Variants in SOST observed in about 807,000 individuals in gnomAD.
SOST encodes the protein sclerosteosis.
Under a neutral mutation model 16.7 loss-of-function variants are expected in SOST, and 14 were observed. The observed-to-expected ratio is 0.84, with a 90% CI of 0.55 to 1.31. The LOEUF (loss-of-function observed/expected upper bound fraction) is 1.31. Among genes scored for constraint, SOST ranks in the 50% most tolerant of loss-of-function variants. The pLI, the probability that SOST is intolerant of heterozygous loss-of-function variation, is 0.00. For missense variants in SOST, 291 were observed against 310.7 expected (o/e 0.94, Z 0.48); for synonymous variants, 150 against 140.9 (o/e 1.06, Z -0.46).
Position 43,755,298 on chromosome 17 carries a change from T to A in SOST, c.*44A>T. 6.8e-7 allele frequency: 1 copy of A among 1,480,934 alleles called. No individual in the cohort carries two copies. Among genetic ancestry groups the A allele is most frequent in the Non-Finnish European group, 8.9e-7 (1 of 1,125,502 alleles). 91.7% of individuals were successfully genotyped at this position (1,480,934 alleles called of 1,614,324 possible). On this transcript the variant is annotated 3_prime_UTR_variant, in exon 2 of 2. Coordinates refer to ENST00000301691, the MANE Select transcript of SOST (RefSeq NM_025237.3). The surrounding 1 kb of genome is among the most constrained non-coding windows in gnomAD (Gnocchi z 4.3). ...GAGGACAGAAATGTGGGGCGCGGGT[T>A]CAGGGCCGGGGCGCCCGCCGGTGGG...
chr17:43,755,778 G>A lies in SOST; in HGVS notation c.221-15C>T. On this transcript the variant is annotated splice_polypyrimidine_tract_variant and intron_variant, in intron 1 of 1. Coordinates refer to ENST00000301691, the MANE Select transcript of SOST (RefSeq NM_025237.3). This position sits in a 1 kb window ranked among gnomAD's most constrained non-coding sequence, Gnocchi z 4.3. ...CTCGGACACGTCTGTGGAGAGAGGC[G>A]CGCGTGAGGGTGGCCGCCCGCCTGG... The A allele has an allele frequency of 5.7e-6, 9 of 1,569,412 alleles. No homozygotes were observed. The highest frequency in any genetic ancestry group is 4.7e-5 in the East Asian group (2 of 42,964).
Position 43,755,054 on chromosome 17 carries a change from T to C in SOST, c.*288A>G. The stretch of plus-strand genomic sequence containing the variant: ...AAAATGCTTCCATTTCTGCCTCCTC[T>C]GAAGTGGGACCAGCAAAGGTAGGCG... On this transcript the variant is annotated 3_prime_UTR_variant, in exon 2 of 2. Coordinates refer to ENST00000301691, the MANE Select transcript of SOST (RefSeq NM_025237.3). This position sits in a 1 kb window ranked among gnomAD's most constrained non-coding sequence, Gnocchi z 4.3. 1 of 428,570 alleles carries C rather than the reference T, an allele frequency of 2.3e-6. No homozygotes were observed. Among genetic ancestry groups the C allele is most frequent in the Non-Finnish European group, 4.1e-6 (1 of 244,562 alleles). The allele number at this position is 428,570 out of a possible 1,614,324, so 26.5% of individuals were successfully genotyped here. A position where few individuals can be genotyped will look rare whatever the true frequency, so the allele number is the denominator to read the frequency against.
chr17:43,757,496 C>T (rs1345827082), intron 1 of SOST, among the ~76,000 whole-genome samples: 1 of 152,138 alleles, frequency 6.6e-6, no homozygotes, highest in Non-Finnish European at 1.5e-5. Context: ...GGGCAGTGGA[C>T]TTCTCTGCCA....
In SOST at chr17:43,758,566, G is replaced by T; in HGVS notation, c.176C>A (p.Ala59Glu). Residue 59 changes from alanine (A) to glutamate (E), a missense_variant, in exon 1 of 2, where the codon GCG (alanine) becomes GAG (glutamate). Coordinates refer to ENST00000301691, the MANE Select transcript of SOST (RefSeq NM_025237.3). The part of the protein sequence containing the change: ...ELENNKTMNR[A>E]ENGGRPPHHP... ...GTGGGGAGGCCGCCCTCCGTTCTCC[G>T]CCCGGTTCATGGTCTTGTTGTTCTC... 6.2e-7 allele frequency: 1 copy of T among 1,614,076 alleles called. No individual in the cohort carries two copies. The highest frequency in any genetic ancestry group is 8.5e-7 in the Non-Finnish European group (1 of 1,180,016).
At position 43,755,303 on chromosome 17, in the gene SOST, G is replaced by A; in HGVS notation, c.*39C>T. 1.3e-6 allele frequency: 2 copies of A among 1,495,910 alleles called. No individual in the cohort carries two copies. Among genetic ancestry groups the A allele is most frequent in the Non-Finnish European group, 1.8e-6 (2 of 1,134,168 alleles). 92.7% of individuals were successfully genotyped at this position (1,495,910 alleles called of 1,614,324 possible). On this transcript the variant is annotated 3_prime_UTR_variant, in exon 2 of 2. Transcript: ENST00000301691. The surrounding 1 kb of genome is among the most constrained non-coding windows in gnomAD (Gnocchi z 4.3). The stretch of plus-strand genomic sequence containing the variant: ...CAGAAATGTGGGGCGCGGGTTCAGG[G>A]CCGGGGCGCCCGCCGGTGGGGAGGG...
At chr17:43,758,355 C>T (rs1367414345) in intron 1 of SOST, among the ~76,000 whole-genome samples, 167 bp downstream of exon 1, 2 of 152,180 alleles carry the variant, frequency 1.3e-5, no homozygotes, top group Admixed American at 6.5e-5. Flanking sequence ...AAGGCTGCAC[C>T]AGCGAGCCAT....
Position 43,755,215 on chromosome 17 carries a change from C to G in SOST, c.*127G>C. The G allele has an allele frequency of 2.0e-6, 2 of 986,688 alleles. No homozygotes were observed. Among genetic ancestry groups the G allele is most frequent in the Non-Finnish European group, 2.8e-6 (2 of 713,122 alleles). 61.1% of individuals were successfully genotyped at this position (986,688 alleles called of 1,614,324 possible). On this transcript the variant is annotated 3_prime_UTR_variant, in exon 2 of 2. Transcript: ENST00000301691. The surrounding 1 kb of genome is among the most constrained non-coding windows in gnomAD (Gnocchi z 4.3). ...TTCCTCAGGGCCTGGAAGGTCTCAG[C>G]CCCCTGCCCTGGGTTGCAGGCATTT...
chr17:43,754,020 C>T lies in SOST; in HGVS notation c.*1322G>A, dbSNP rs1203970832. 1 of 151,954 alleles carries T rather than the reference C, an allele frequency of 6.6e-6. No individual in the cohort carries two copies. The highest frequency in any genetic ancestry group is 2.4e-5 in the African/African-American group (1 of 41,156). 9.4% of individuals were successfully genotyped at this position (151,954 alleles called of 1,614,324 possible). On this transcript the variant is annotated 3_prime_UTR_variant, in exon 2 of 2. Transcript: ENST00000301691. The stretch of plus-strand genomic sequence containing the variant: ...TTTTTTTTTTAACAATTAAAAACTA[C>T]ACAGAAAGTAAGAGGTTGTCTGGAA...
At position 43,755,858 on chromosome 17, in the gene SOST, A is replaced by C; in HGVS notation, c.221-95T>G. 7.1e-7 allele frequency: 1 copy of C among 1,416,466 alleles called. No individual in the cohort carries two copies. Among genetic ancestry groups the C allele is most frequent in the Non-Finnish European group, 9.5e-7 (1 of 1,053,404 alleles). The allele number at this position is 1,416,466 out of a possible 1,614,324, so 87.7% of individuals were successfully genotyped here. ...CTCCACCCCAGCCCTGCTTTTGCCAAGCCTGTCTCCAGAGGCTTTTGCCCC... is the reference window on the plus strand; with the variant it reads ...CTCCACCCCAGCCCTGCTTTTGCCACGCCTGTCTCCAGAGGCTTTTGCCCC... On this transcript the variant is annotated intron_variant, in intron 1 of 1. Coordinates refer to ENST00000301691, the MANE Select transcript of SOST (RefSeq NM_025237.3). The surrounding 1 kb of genome is among the most constrained non-coding windows in gnomAD (Gnocchi z 4.3).
Position 43,755,578 on chromosome 17 carries a change from G to C in SOST, c.406C>G (p.Pro136Ala). The C allele has an allele frequency of 5.6e-6, 9 of 1,593,752 alleles. No homozygotes were observed. The highest frequency in any genetic ancestry group is 7.7e-6 in the Non-Finnish European group (9 of 1,175,870). The change falls in exon 2 of 2, where the codon CCC becomes GCC. Residue 136 changes from proline (P) to alanine (A), a missense_variant. Transcript: ENST00000301691. The surrounding 1 kb of genome is among the most constrained non-coding windows in gnomAD (Gnocchi z 4.3). ...ACGCGCTGCGCGCGGTAGCGGTCGG[G>C]GATGCAGCGGAAGTCGGGCCCACTA... is the stretch of plus-strand genomic sequence containing the variant. The part of the protein sequence containing the change: ...RPSGPDFRCI[P>A]DRYRAQRVQL...
chr17:43,757,411 C>T (rs888035741), intron 1 of SOST, among the ~76,000 whole-genome samples: 55 of 152,150 alleles, frequency 3.6e-4, no homozygotes, highest in Non-Finnish European at 6.5e-4. Flanking sequence ...GGCTGGCCTC[C>T]CATGCAGTTG....
Position 43,755,246 on chromosome 17 carries a change from G to A in SOST, c.*96C>T, listed in dbSNP as rs1598295879. ...GCCCTGGGTTGCAGGCATTTACAAT[G>A]AAATATAAACAATCAAACCACGCGC... On this transcript the variant is annotated 3_prime_UTR_variant, in exon 2 of 2. Coordinates refer to ENST00000301691, the MANE Select transcript of SOST (RefSeq NM_025237.3). This position sits in a 1 kb window ranked among gnomAD's most constrained non-coding sequence, Gnocchi z 4.3. The A allele has an allele frequency of 8.2e-7, 1 of 1,219,522 alleles. No homozygotes were observed. The highest frequency in any genetic ancestry group is 2.8e-5 in the East Asian group (1 of 35,936). The allele number at this position is 1,219,522 out of a possible 1,614,324, so 75.5% of individuals were successfully genotyped here.
At chr17:43,757,179 G>T (rs1456356936) in intron 1 of SOST, among the ~76,000 whole-genome samples, 2 of 152,236 alleles carry the variant, frequency 1.3e-5, no homozygotes, top group African/African-American at 2.4e-5. Flanking sequence ...TTCGAGAATA[G>T]CGCCCCTAGG....
Position 43,754,174 on chromosome 17 carries a change from G to C in SOST, c.*1168C>G, listed in dbSNP as rs1287528612. On this transcript the variant is annotated 3_prime_UTR_variant, in exon 2 of 2. Transcript: ENST00000301691. Reference sequence around the variant, plus strand: ...AGATATGCCATCACATGTAAGAGCAGTAAGAAGCTGTTTTCTAGGCAGAAA... The same window carrying C: ...AGATATGCCATCACATGTAAGAGCACTAAGAAGCTGTTTTCTAGGCAGAAA... 1 of 152,296 alleles carries C rather than the reference G, an allele frequency of 6.6e-6. No homozygotes were observed. The highest frequency in any genetic ancestry group is 1.5e-5 in the Non-Finnish European group (1 of 68,056). The allele number at this position is 152,296 out of a possible 1,614,324, so 9.4% of individuals were successfully genotyped here. A position where few individuals can be genotyped will look rare whatever the true frequency, so the allele number is the denominator to read the frequency against.
At chr17:43,756,042 C>T (rs1974127680) in intron 1 of SOST, among the ~76,000 whole-genome samples, 1 of 152,234 alleles carries the variant, frequency 6.6e-6, no homozygotes, top group Non-Finnish European at 1.5e-5. Flanking sequence ...TAACCTCTCT[C>T]TTCTTCCTGT....
rs1234842440 is a variant in SOST at position 43,755,182 on chromosome 17, G to T, written c.*160C>A. 3 of 694,580 alleles carry T rather than the reference G, an allele frequency of 4.3e-6. No individual in the cohort carries two copies. The allele number at this position is 694,580 out of a possible 1,614,324, so 43.0% of individuals were successfully genotyped here. A position where few individuals can be genotyped will look rare whatever the true frequency, so the allele number is the denominator to read the frequency against. ...GCGGGCTGAGGGGGGCCTTGCCGGC[G>T]CCCGGGATTCCTCAGGGCCTGGAAG... is the stretch of plus-strand genomic sequence containing the variant. On this transcript the variant is annotated 3_prime_UTR_variant, in exon 2 of 2. Coordinates refer to ENST00000301691, the MANE Select transcript of SOST (RefSeq NM_025237.3). This position sits in a 1 kb window ranked among gnomAD's most constrained non-coding sequence, Gnocchi z 4.3.
In SOST at chr17:43,755,396, C is replaced by T; in HGVS notation, c.588G>A (p.Arg196=). Residue 196 remains arginine (R), a synonymous_variant, in exon 2 of 2, where the codon CGG becomes CGA. Transcript: ENST00000301691. The surrounding 1 kb of genome is among the most constrained non-coding windows in gnomAD (Gnocchi z 4.3). ...TGGCTTTGGCGCTCCGGGCGCGGGG[C>T]CGCGGCTTCCGGCCCTTCTGCGGCC... is the stretch of plus-strand genomic sequence containing the variant. ...AARPQKGRKP[R]PRARSAKANQ... The T allele has an allele frequency of 1.9e-6, 3 of 1,590,542 alleles. No homozygotes were observed. The highest frequency in any genetic ancestry group is 2.5e-6 in the Non-Finnish European group (3 of 1,176,802).
In SOST at chr17:43,758,650, T is replaced by C. The variant is rs777424828; in HGVS notation, c.92A>G (p.Asn31Ser). ...VEGQGWQAFK[N>S]DATEIIPELG... is the part of the protein sequence containing the mutation. ...CTCGGGGATGATTTCCGTGGCATCA[T>C]TCTTGAACGCCTGCCACCCCTGGCC... Residue 31 changes from asparagine to serine, a missense_variant, in exon 1 of 2, where the codon AAT becomes AGT. Asn to Ser is a conservative substitution (Grantham distance 46). Transcript: ENST00000301691. 3 of 1,614,162 alleles carry C rather than the reference T, an allele frequency of 1.9e-6. No individual in the cohort carries two copies. Among genetic ancestry groups the C allele is most frequent in the South Asian group, 2.2e-5 (2 of 91,084 alleles).
chr17:43,754,487 A>T lies in SOST; in HGVS notation c.*855T>A, dbSNP rs1433524142. 6.6e-6 allele frequency: 1 copy of T among 152,072 alleles called. No homozygotes were observed. Among genetic ancestry groups the T allele is most frequent in the Non-Finnish European group, 1.5e-5 (1 of 68,034 alleles). The allele number at this position is 152,072 out of a possible 1,614,324, so 9.4% of individuals were successfully genotyped here. A position where few individuals can be genotyped will look rare whatever the true frequency, so the allele number is the denominator to read the frequency against. ...GATGGAGGGGTGGAGGTAGCCAAAC[A>T]TCCGGGGAAGCCAGGCTGGGAAGCA... On this transcript the variant is annotated 3_prime_UTR_variant, in exon 2 of 2. Transcript: ENST00000301691.
Sources: allele counts gnomAD v4.1 joint callset (sites outside exome capture counted in the v4.1 genomes callset), GRCh38; gene constraint gnomAD v4.1.1; non-coding constraint Gnocchi (gnomAD v3.1); transcripts MANE v1.5; gene names NCBI Gene and HGNC (gene_info 2026-07-23, HGNC 2026-07-21).